Variants in CYP4X1 observed in about 807,000 individuals in gnomAD.
CYP4X1 encodes the protein cytochrome P450 family 4 subfamily X member 1, also known as cytochrome P450 4X1.
CYP4X1 carries 44 observed loss-of-function variants against 57.9 expected under a neutral mutation model. The observed-to-expected ratio is 0.76, with a 90% CI of 0.60 to 0.98. The LOEUF is 0.98. Among genes scored for constraint, CYP4X1 ranks in the 50% least tolerant of loss-of-function variants. CYP4X1 has a pLI of 0.00. For missense variants in CYP4X1, 532 were observed against 623.9 expected, an observed-to-expected ratio of 0.85 and a Z score of 1.57; for synonymous variants, 227 against 228.6, an observed-to-expected ratio of 0.99 and a Z score of 0.06.
At chr1:47,038,826 G>T (rs943676367) in intron 7 of CYP4X1, 60 bp downstream of exon 7, 2 of 1,417,556 alleles carry the variant, frequency 1.4e-6, no homozygotes, top group Non-Finnish European at 2.0e-6. Flanking sequence ...AAGTAGGTGG[G>T]TAAGTGGGAA....
chr1:47,040,684 T>G (rs1325661731), intron 8 of CYP4X1, among the ~76,000 whole-genome samples: 1 of 152,058 alleles, frequency 6.6e-6, no homozygotes, highest in Non-Finnish European at 1.5e-5. Context: ...TATATATATG[T>G]ATGTGTGTAT....
chr1:47,038,661 T>C lies in CYP4X1; in HGVS notation c.777T>C (p.Asp259=). Reference sequence around the variant, plus strand: ...ATTGGAAACTATTTTTCTACCCAGATACAATAATCCAGGAAAGAAAGAAAT... The same window carrying C: ...ATTGGAAACTATTTTTCTACCCAGACACAATAATCCAGGAAAGAAAGAAAT... ...KLSRVLNQYT[D]TIIQERKKSL... The change falls in exon 7 of 12, where the codon GAT becomes GAC. Residue 259 remains aspartate, a splice_region_variant and synonymous_variant. Transcript: ENST00000371901. 1.2e-6 allele frequency: 2 copies of C among 1,601,552 alleles called. No homozygotes were observed. The highest frequency in any genetic ancestry group is 1.7e-6 in the Non-Finnish European group (2 of 1,174,674).
At chr1:46,994,726 C>T in the CYP4X1 span, among the ~76,000 whole-genome samples, 1 of 152,182 alleles carries the variant, frequency 6.6e-6, no homozygotes, top group Non-Finnish European at 1.5e-5. Context: ...ATAGTAATGG[C>T]CATGCACACA....
Position 47,050,098 on chromosome 1 carries a change from T to C in CYP4X1, c.1454T>C (p.Leu485Pro), listed in dbSNP as rs1248492467. 1 of 1,613,982 alleles carries C rather than the reference T, an allele frequency of 6.2e-7. No individual in the cohort carries two copies. Among genetic ancestry groups the C allele is most frequent in the Non-Finnish European group, 8.5e-7 (1 of 1,180,004 alleles). ...GTGACTCCAGACCCCACCAGGCCTC[T>C]TACTTTCCCCAACCATTTTATCCTC... is the stretch of plus-strand genomic sequence containing the variant. ...FRVTPDPTRPLTFPNHFILKP... is the reference protein window; with the variant it reads ...FRVTPDPTRPPTFPNHFILKP... Residue 485 changes from leucine (L) to proline (P), a missense_variant, in exon 12 of 12, where the codon CTT (leucine) becomes CCT (proline). Transcript: ENST00000371901.
chr1:46,996,378 C>T, the CYP4X1 span, among the ~76,000 whole-genome samples: 1 of 152,156 alleles, frequency 6.6e-6, no homozygotes, highest in East Asian at 1.9e-4. Flanking sequence ...TTCATGTTTG[C>T]CATGTTTCTT....
intron 8 of CYP4X1, among the ~76,000 whole-genome samples, chr1:47,042,837 A>G (rs1644261289): frequency 6.6e-6 from 1 of 151,894 alleles, no homozygotes; most frequent in African/African-American, 2.4e-5. Flanking sequence ...ACATCCCACA[A>G]TTTCTTTATC....
At chr1:47,047,624 C>T (rs951099858) in intron 9 of CYP4X1, among the ~76,000 whole-genome samples, 17 of 152,076 alleles carry the variant, frequency 1.1e-4, no homozygotes, top group African/African-American at 3.9e-4. Context: ...CCTCTCAAGA[C>T]AGAGTCTTGC....
chr1:47,016,195 G>T, the CYP4X1 span, among the ~76,000 whole-genome samples: 1 of 151,380 alleles, frequency 6.6e-6, no homozygotes. Flanking sequence ...TGTGTGCCCA[G>T]CTCAAAGACG....
the CYP4X1 span, among the ~76,000 whole-genome samples, chr1:46,982,106 T>G: frequency 2.0e-5 from 3 of 152,194 alleles, no homozygotes; most frequent in Non-Finnish European, 4.4e-5. Flanking sequence ...TTTGTGCACA[T>G]GTACCCTAGA....
At chr1:47,012,799 A>G in the CYP4X1 span, among the ~76,000 whole-genome samples, 1 of 152,220 alleles carries the variant, frequency 6.6e-6, no homozygotes, top group South Asian at 2.1e-4. Flanking sequence ...AAAGTGACAT[A>G]TTAGGTAAGC....
At chr1:47,053,103 T>G (rs1644369805), downstream of CYP4X1, among the ~76,000 whole-genome samples, 3 of 152,118 alleles carry the variant, frequency 2.0e-5, no homozygotes, top group South Asian at 4.1e-4. Context: ...GTGTGTGATG[T>G]TCCCCTTCCT....
the CYP4X1 span, chr1:46,961,771 G>T: frequency 1.5e-6 from 2 of 1,305,748 alleles, no homozygotes; most frequent in South Asian, 2.4e-5. Context: ...GTAAGCACCT[G>T]CCTTTCTTGC....
intron 8 of CYP4X1, among the ~76,000 whole-genome samples, chr1:47,045,329 T>A (rs1333053887): frequency 6.6e-6 from 1 of 152,004 alleles, no homozygotes; most frequent in Admixed American, 6.6e-5. Context: ...GATGCAAATT[T>A]AAAAAAAACT....
the CYP4X1 span, among the ~76,000 whole-genome samples, chr1:46,985,179 C>A: frequency 1.3e-5 from 2 of 152,074 alleles, no homozygotes; most frequent in Admixed American, 1.3e-4. Flanking sequence ...TTGGCCAGGG[C>A]ATCTCTGAAA....
At chr1:46,970,503 C>T in the CYP4X1 span, among the ~76,000 whole-genome samples, 2 of 152,198 alleles carry the variant, frequency 1.3e-5, no homozygotes, top group African/African-American at 4.8e-5. Context: ...CAGGAAGACT[C>T]ACCTTGATCC....
the CYP4X1 span, among the ~76,000 whole-genome samples, chr1:46,993,935 T>A: frequency 6.6e-6 from 1 of 152,240 alleles, no homozygotes; most frequent in Non-Finnish European, 1.5e-5. Context: ...TTTAGTTTAA[T>A]TAGATCCCAT....
chr1:47,016,873 C>A, the CYP4X1 span, among the ~76,000 whole-genome samples: 3 of 152,208 alleles, frequency 2.0e-5, no homozygotes, highest in Non-Finnish European at 2.9e-5. Flanking sequence ...ACACCCCCAA[C>A]TGGTAATTAT....
chr1:46,987,792 C>T, the CYP4X1 span, among the ~76,000 whole-genome samples: 3 of 152,148 alleles, frequency 2.0e-5, no homozygotes, highest in Admixed American at 2.0e-4. Context: ...CTACTGGGTA[C>T]ATAACAAAAT....
chr1:46,974,346 G>A, the CYP4X1 span, among the ~76,000 whole-genome samples: 2 of 152,048 alleles, frequency 1.3e-5, no homozygotes, highest in Non-Finnish European at 2.9e-5. Flanking sequence ...TTATGACCAA[G>A]CGTAGGGTCC....
Sources: gnomAD v4.1 joint callset for allele counts (sites outside exome capture counted in the v4.1 genomes callset) on GRCh38, gnomAD v4.1.1 for gene constraint, MANE v1.5 for transcripts, NCBI Gene and HGNC (gene_info 2026-07-23, HGNC 2026-07-21) for gene names.